The following FAM177B variants were observed in gnomAD, a reference collection of about 807,000 sequenced individuals.
FAM177B encodes family with sequence similarity 177 member B.
In FAM177B, 16 loss-of-function variants were observed where a neutral mutation model predicts 16.1. The observed-to-expected ratio is 0.99, with a 90% CI of 0.67 to 1.51. The LOEUF (loss-of-function observed/expected upper bound fraction) is 1.51. Ranked by LOEUF, FAM177B falls within the 40% of genes most tolerant of loss-of-function variation. FAM177B has a pLI of 0.00. For synonymous variants in FAM177B, 56 were observed against 59.9 expected (o/e 0.93, Z 0.30); for missense variants, 178 against 183.7 (o/e 0.97, Z 0.18).
rs955891843 is a variant in FAM177B at position 222,746,700 on chromosome 1, C to A, written c.155C>A (p.Thr52Lys). 1.2e-6 allele frequency: 2 copies of A among 1,611,276 alleles called. No homozygotes were observed. The highest frequency in any genetic ancestry group is 2.7e-5 in the African/African-American group (2 of 74,842). Reference sequence around the variant, plus strand: ...GAAGAGGAAAAGGAGGAGCAGAGCACAAATTCAACACTTGACCCTGTAAGC... The same window carrying A: ...GAAGAGGAAAAGGAGGAGCAGAGCAAAAATTCAACACTTGACCCTGTAAGC... ...EEEEEKEEQS[T>K]NSTLDPSKLS... is the part of the protein sequence containing the mutation. Residue 52 changes from threonine to lysine, a missense_variant, in exon 3 of 6, where the codon ACA (threonine) becomes AAA (lysine). Transcript: ENST00000445590.
intron 4 of FAM177B, chr1:222,747,374 A>T (rs1384668847): frequency 7.2e-6 from 2 of 275,870 alleles, no homozygotes; most frequent in East Asian, 1.4e-4. Context: ...CCTCTTTCAT[A>T]GGACAGAGGG....
At chr1:222,745,629 A>G (rs902846536) in intron 2 of FAM177B, among the ~76,000 whole-genome samples, 1 of 151,980 alleles carries the variant, frequency 6.6e-6, no homozygotes, top group African/African-American at 2.4e-5. Context: ...CAGCCCCCCA[A>G]AAAAATTTTA....
intron 4 of FAM177B, chr1:222,749,174 C>T (rs1658935095): frequency 2.5e-6 from 1 of 404,690 alleles, no homozygotes; most frequent in Non-Finnish European, 4.9e-6. Context: ...GCTCAGGACC[C>T]ATGCTATACC....
At position 222,750,256 on chromosome 1, in the gene FAM177B, T is replaced by C; in HGVS notation, c.*198T>C. On this transcript the variant is annotated 3_prime_UTR_variant, in exon 6 of 6. Coordinates refer to ENST00000445590, the MANE Select transcript of FAM177B (RefSeq NM_001394345.1). ...CAGGAATTACAAGCAATAATGAGAG[T>C]AATTTTGGACACTTTCTCAGAATAA... 7.3e-7 allele frequency: 1 copy of C among 1,378,754 alleles called. No individual in the cohort carries two copies. The highest frequency in any genetic ancestry group is 9.3e-7 in the Non-Finnish European group (1 of 1,071,660). The allele number at this position is 1,378,754 out of a possible 1,614,324, so 85.4% of individuals were successfully genotyped here.
chr1:222,747,039 C>G lies in FAM177B; in HGVS notation c.199C>G (p.Leu67Val). The change falls in exon 4 of 6, where the codon CTA (leucine) becomes GTA (valine). Residue 67 changes from leucine (L) to valine (V), a missense_variant. Leu to Val is a conservative substitution (Grantham distance 32, BLOSUM62 1). Transcript: ENST00000445590. ...DPSKLSWGPY[L>V]RFWAGRIAST... Reference sequence around the variant, plus strand: ...GTCTAAACTTTCCTGGGGGCCCTACCTACGATTTTGGGCAGGACGAATAGC... The same window carrying G: ...GTCTAAACTTTCCTGGGGGCCCTACGTACGATTTTGGGCAGGACGAATAGC... 1 of 1,611,930 alleles carries G rather than the reference C, an allele frequency of 6.2e-7. No homozygotes were observed. Among genetic ancestry groups the G allele is most frequent in the Non-Finnish European group, 8.5e-7 (1 of 1,178,188 alleles).
At position 222,750,159 on chromosome 1, in the gene FAM177B, G is replaced by A. The variant is rs1658991048; in HGVS notation, c.*101G>A. The A allele has an allele frequency of 1.3e-6, 2 of 1,528,578 alleles. No homozygotes were observed. Among genetic ancestry groups the A allele is most frequent in the Non-Finnish European group, 1.7e-6 (2 of 1,143,670 alleles). 94.7% of individuals were successfully genotyped at this position (1,528,578 alleles called of 1,614,324 possible). A position where few individuals can be genotyped will look rare whatever the true frequency, so the allele number is the denominator to read the frequency against. On this transcript the variant is annotated 3_prime_UTR_variant, in exon 6 of 6. Coordinates refer to ENST00000445590, the MANE Select transcript of FAM177B (RefSeq NM_001394345.1). ...TGTTCCTTGGCCATTGATTACCATG[G>A]CAACAACACCAGAGGTAGCACTTCT... is the stretch of plus-strand genomic sequence containing the variant.
chr1:222,740,552 G>T (rs1181397499), intron 2 of FAM177B, among the ~76,000 whole-genome samples: 2 of 151,854 alleles, frequency 1.3e-5, no homozygotes, highest in Admixed American at 1.3e-4. Context: ...CCTTTCAATT[G>T]TTAATATGCA....
At chr1:222,744,472 CAAAA>C (rs763596466) in intron 2 of FAM177B, among the ~76,000 whole-genome samples, 7 of 82,474 alleles carry the variant, frequency 8.5e-5, no homozygotes, top group Non-Finnish European at 1.1e-4. Context: ...AACTCCATCT[CAAAA>C]AAAAAAAAAA....
intron 2 of FAM177B, among the ~76,000 whole-genome samples, chr1:222,745,125 G>A (rs1190960100): frequency 2.0e-5 from 3 of 152,288 alleles, no homozygotes; most frequent in Admixed American, 1.3e-4. Context: ...TTTAATTGCT[G>A]AGGAGTATTC....
At chr1:222,740,012 T>A (rs570036724) in intron 2 of FAM177B, among the ~76,000 whole-genome samples, 32 of 152,296 alleles carry the variant, frequency 2.1e-4, no homozygotes, top group African/African-American at 7.2e-4. Flanking sequence ...TAAATGATAA[T>A]ACCTCTTCCT....
At position 222,750,525 on chromosome 1, in the gene FAM177B, C is replaced by G. The variant is rs1381071083; in HGVS notation, c.*467C>G. On this transcript the variant is annotated 3_prime_UTR_variant, in exon 6 of 6. Transcript: ENST00000445590. ...TGATATAGTGTGTACTTCCAACAAC[C>G]ATCCTGGCGTAGTTGGGGATTGTTT... 1.0e-6 allele frequency: 1 copy of G among 985,776 alleles called. No homozygotes were observed. Among genetic ancestry groups the G allele is most frequent in the Non-Finnish European group, 1.2e-6 (1 of 830,232 alleles). The allele number at this position is 985,776 out of a possible 1,614,324, so 61.1% of individuals were successfully genotyped here.
chr1:222,744,006 T>G (rs1658672368), intron 2 of FAM177B, among the ~76,000 whole-genome samples: 1 of 152,144 alleles, frequency 6.6e-6, no homozygotes, highest in Non-Finnish European at 1.5e-5. Flanking sequence ...CCTCTCTCTC[T>G]CATCTCTATC....
intron 2 of FAM177B, among the ~76,000 whole-genome samples, chr1:222,738,525 C>T (rs1488834515): frequency 8.4e-6 from 1 of 119,372 alleles, no homozygotes; most frequent in Non-Finnish European, 1.6e-5. Flanking sequence ...TCAAGACCAG[C>T]CTGGGCAATA....
Position 222,749,481 on chromosome 1 carries a change from TG to T in FAM177B, c.260del (p.Gly87GlufsTer18). ...TTCTTTTAGCATGTGAATTCCTTGG[TG>T]GAAGATTTGCTGTCTTCTTTGGTCT... ...TSFSTCEFLG[G>X]RFAVFFGLTQ... On this transcript the variant is annotated frameshift_variant, in exon 5 of 6. Transcript: ENST00000445590. LOFTEE classifies it high-confidence loss of function. 1 of 1,606,894 alleles carries T rather than the reference TG, an allele frequency of 6.2e-7. No individual in the cohort carries two copies. The highest frequency in any genetic ancestry group is 1.1e-5 in the South Asian group (1 of 90,258).
In FAM177B at chr1:222,746,044, A is replaced by G. The variant is rs527483852; in HGVS notation, c.-15-487A>G. Among the ~76,000 whole-genome samples the G allele has an allele frequency of 4.6e-5, 7 of 152,316 alleles. 1 individual carries two copies. In the East Asian group the frequency reaches 9.6e-4, roughly 21 times the overall value. On this transcript the variant is annotated intron_variant, in intron 2 of 5. Coordinates refer to ENST00000445590, the MANE Select transcript of FAM177B (RefSeq NM_001394345.1). ...ATATCTTTGGTAAAATCTCTACTCAAATATTTTGCCCATATTTTAATTGAG... is the reference window on the plus strand; with the variant it reads ...ATATCTTTGGTAAAATCTCTACTCAGATATTTTGCCCATATTTTAATTGAG...
rs1658941259 is a variant in FAM177B at position 222,749,252 on chromosome 1, C to T, written c.242-213C>T. ...TGGAAAAAATAGTTTATATATAATC[C>T]CATATAAAGATAGAAGATTTGACAA... is the stretch of plus-strand genomic sequence containing the variant. On this transcript the variant is annotated intron_variant, in intron 4 of 5. Transcript: ENST00000445590. The T allele has an allele frequency of 1.6e-5, 8 of 512,358 alleles. No homozygotes were observed. The South Asian group carries it at 2.0e-4, about 13-fold the overall frequency. 31.7% of individuals were successfully genotyped at this position (512,358 alleles called of 1,614,324 possible).
At chr1:222,747,331 ATCTT>A (rs1658846224) in intron 4 of FAM177B, 1 of 449,776 alleles carries the variant, frequency 2.2e-6, no homozygotes, top group Non-Finnish European at 4.0e-6. Context: ...GTTCCTACTT[ATCTT>A]TCTTAACCAT....
chr1:222,750,283 T>A lies in FAM177B; in HGVS notation c.*225T>A, dbSNP rs1658994931. On this transcript the variant is annotated 3_prime_UTR_variant, in exon 6 of 6. Coordinates refer to ENST00000445590, the MANE Select transcript of FAM177B (RefSeq NM_001394345.1). ...ATTTTGGACACTTTCTCAGAATAAT[T>A]TCTATATTCAAGCCACCCCACCTCA... 3.7e-6 allele frequency: 5 copies of A among 1,343,698 alleles called. No homozygotes were observed. In the Admixed American group the frequency reaches 1.0e-4, roughly 27 times the overall value. The allele number at this position is 1,343,698 out of a possible 1,614,324, so 83.2% of individuals were successfully genotyped here.
intron 2 of FAM177B, among the ~76,000 whole-genome samples, chr1:222,740,937 G>A (rs1188092877): frequency 3.9e-5 from 6 of 152,048 alleles, no homozygotes; most frequent in South Asian, 2.1e-4. Context: ...CTGACCTCGC[G>A]ATCTGCCCGT....
Sources: allele counts gnomAD v4.1 joint callset (sites outside exome capture counted in the v4.1 genomes callset), GRCh38; gene constraint gnomAD v4.1.1; transcripts MANE v1.5; gene names NCBI Gene and HGNC (gene_info 2026-07-23, HGNC 2026-07-21).